Variants in BICD1 observed in about 807,000 individuals in gnomAD.
BICD1 encodes BICD cargo adaptor 1, also known as protein bicaudal D homolog 1.
BICD1 carries 35 observed loss-of-function variants against 92.5 expected under a neutral mutation model. That is an observed-to-expected ratio of 0.38 (90% CI 0.29 to 0.50). The LOEUF is 0.50. Among genes scored for constraint, BICD1 ranks in the 20% least tolerant of loss-of-function variants. The pLI is 0.93. For missense variants in BICD1, 950 were observed against 1,189.8 expected, an observed-to-expected ratio of 0.80 and a Z score of 2.97; for synonymous variants, 429 against 465.1, an observed-to-expected ratio of 0.92 and a Z score of 1.00.
intron 4 of BICD1, among the ~76,000 whole-genome samples, chr12:32,325,375 G>A (rs1271737518): frequency 6.6e-6 from 1 of 152,186 alleles, no homozygotes; most frequent in Non-Finnish European, 1.5e-5. Context: ...ATGATGTTAT[G>A]TAGTGATTTT....
Position 32,327,500 on chromosome 12 carries a change from G to A in BICD1, c.1045G>A (p.Glu349Lys). ...GGCCATTCTTTTGGCCAACCTACAG[G>A]AGTCACAGACACAGCTGGAACACAC... ...EKAILLANLQ[E>K]SQTQLEHTKG... Residue 349 changes from glutamate (E) to lysine (K), a missense_variant, in exon 5 of 10, where the codon GAG (glutamate) becomes AAG (lysine). By Grantham distance (56) the Glu-to-Lys change is moderately conservative (BLOSUM62 1). This residue lies in a region of BICD1 where 246 missense variants were observed against 258.4 expected (regional missense o/e 0.95). Transcript: ENST00000652176. 6.2e-7 allele frequency: 1 copy of A among 1,611,628 alleles called. No homozygotes were observed. Among genetic ancestry groups the A allele is most frequent in the African/African-American group, 1.3e-5 (1 of 74,932 alleles).
intron 2 of BICD1, among the ~76,000 whole-genome samples, chr12:32,232,166 G>C (rs1433535941): frequency 6.6e-6 from 1 of 150,742 alleles, no homozygotes; most frequent in African/African-American, 2.4e-5. Context: ...TCGCCACACT[G>C]ACTTCCACAA....
At chr12:32,265,547 G>T in intron 2 of BICD1, among the ~76,000 whole-genome samples, 1 of 125,750 alleles carries the variant, frequency 8.0e-6, no homozygotes, top group East Asian at 2.5e-4. Context: ...CGTTTCTACA[G>T]AAAAAAAAAA....
chr12:32,346,367 A>C (rs1171928717), intron 8 of BICD1, among the ~76,000 whole-genome samples: 1 of 148,936 alleles, frequency 6.7e-6, no homozygotes, highest in Non-Finnish European at 1.5e-5. Flanking sequence ...AACTACAAAA[A>C]TTAGCCAGGC....
At chr12:32,169,900 A>C (rs901488242) in intron 1 of BICD1, among the ~76,000 whole-genome samples, 1 of 152,206 alleles carries the variant, frequency 6.6e-6, no homozygotes, top group Non-Finnish European at 1.5e-5. Context: ...CTGGCCCCCA[A>C]GATACACTTT....
chr12:32,127,090 T>C (rs1247143528), intron 1 of BICD1, among the ~76,000 whole-genome samples: 1 of 152,240 alleles, frequency 6.6e-6, no homozygotes, highest in Non-Finnish European at 1.5e-5. Context: ...AAATATCTTT[T>C]CCTAGTCCAT....
chr12:32,231,693 CTCA>C (rs1470078836), intron 2 of BICD1, among the ~76,000 whole-genome samples: 1 of 151,394 alleles, frequency 6.6e-6, no homozygotes, highest in Non-Finnish European at 1.5e-5. Context: ...CACCCACTAA[CTCA>C]TCATCTAGCA....
intron 3 of BICD1, among the ~76,000 whole-genome samples, chr12:32,296,005 G>A (rs941994172): frequency 2.6e-5 from 4 of 151,942 alleles, no homozygotes. Context: ...GTGCTGGGGG[G>A]AAGGCATGTA....
rs117828159 is a variant in BICD1 at position 32,301,733 on chromosome 12, C to T, written c.580-3964C>T. On this transcript the variant is annotated intron_variant, in intron 3 of 9. Coordinates refer to ENST00000652176, the MANE Select transcript of BICD1 (RefSeq NM_001714.4). ...AAGGCTGTAGTGAGCTGTGATCAAG[C>T]CACTGTACTCTAGCCTGGGCAACAG... Among the ~76,000 whole-genome samples, 1,002 of 151,984 alleles carry T rather than the reference C, an allele frequency of 6.6e-3. 24 individuals carry two copies. The East Asian group carries it at 0.091, about 14-fold the overall frequency.
In BICD1 at chr12:32,328,519, C is replaced by T. The variant is rs139652205; in HGVS notation, c.2064C>T (p.Ile688=). The T allele has an allele frequency of 1.9e-6, 3 of 1,613,656 alleles. No individual in the cohort carries two copies. Among genetic ancestry groups the T allele is most frequent in the East Asian group, 4.5e-5 (2 of 44,884 alleles). The change falls in exon 5 of 10, where the codon ATC becomes ATT. Residue 688 remains isoleucine, a synonymous_variant. Transcript: ENST00000652176. The surrounding 1 kb of genome is among the most constrained non-coding windows in gnomAD (Gnocchi z 4.4). ...KSLLSTKREQ[I]ATLRAVLKAN... is the part of the protein sequence containing the mutation. ...TGCTGAGCACCAAACGGGAGCAGATCGCCACATTGAGGGCGGTGTTGAAAG... is the reference window on the plus strand; with the variant it reads ...TGCTGAGCACCAAACGGGAGCAGATTGCCACATTGAGGGCGGTGTTGAAAG...
At chr12:32,366,406 G>A (rs1939526190) in intron 8 of BICD1, among the ~76,000 whole-genome samples, 2 of 152,200 alleles carry the variant, frequency 1.3e-5, no homozygotes, top group South Asian at 4.1e-4. Context: ...GATCACCTGA[G>A]GTCAGGAGTT....
chr12:32,193,319 C>A (rs1944630046), intron 1 of BICD1, among the ~76,000 whole-genome samples: 1 of 152,184 alleles, frequency 6.6e-6, no homozygotes, highest in Non-Finnish European at 1.5e-5. Context: ...TGATCATTAT[C>A]ATTTTTTAGC....
chr12:32,254,105 C>T (rs1294449763), intron 2 of BICD1, among the ~76,000 whole-genome samples: 1 of 150,940 alleles, frequency 6.6e-6, no homozygotes, highest in Non-Finnish European at 1.5e-5. Flanking sequence ...GTCATATTCA[C>T]TGCCATATCC....
chr12:32,319,348 A>T (rs1025451341), intron 4 of BICD1, among the ~76,000 whole-genome samples: 1 of 152,152 alleles, frequency 6.6e-6, no homozygotes, highest in African/African-American at 2.4e-5. Flanking sequence ...TATTGAGATG[A>T]TCATGTGGTT....
At chr12:32,198,461 A>G (rs1286082275) in intron 1 of BICD1, among the ~76,000 whole-genome samples, 10 of 150,342 alleles carry the variant, frequency 6.7e-5, no homozygotes, top group African/African-American at 2.4e-4. Context: ...AAAAGCAGCC[A>G]TTGTACAGTT....
intron 1 of BICD1, among the ~76,000 whole-genome samples, chr12:32,142,650 A>G (rs904904901): frequency 6.6e-6 from 1 of 151,918 alleles, no homozygotes; most frequent in Admixed American, 6.6e-5. Flanking sequence ...GAGATCTCAC[A>G]CCATATTTGA....
intron 1 of BICD1, among the ~76,000 whole-genome samples, chr12:32,195,011 T>C (rs747129016): frequency 9.3e-5 from 14 of 150,320 alleles, no homozygotes; most frequent in Middle Eastern, 3.2e-3. Flanking sequence ...GGCAGAAGGA[T>C]TGCGTGATTC....
At chr12:32,263,510 C>T (rs1168650512) in intron 2 of BICD1, among the ~76,000 whole-genome samples, 3 of 150,036 alleles carry the variant, frequency 2.0e-5, no homozygotes, top group African/African-American at 7.4e-5. Flanking sequence ...CACGCCACTG[C>T]ACTCCAGCCT....
At chr12:32,221,455 G>A (rs541728204) in intron 2 of BICD1, among the ~76,000 whole-genome samples, 9 of 151,768 alleles carry the variant, frequency 5.9e-5, no homozygotes, top group Middle Eastern at 6.8e-3. Context: ...AGGCCGAGGC[G>A]GCTGGATCAC....
Sources: gnomAD v4.1 joint callset for allele counts (sites outside exome capture counted in the v4.1 genomes callset) on GRCh38, gnomAD v4.1.1 for gene constraint, gnomAD v4.1.1 regional missense constraint, Gnocchi (gnomAD v3.1) non-coding constraint, MANE v1.5 for transcripts, NCBI Gene and HGNC (gene_info 2026-07-23, HGNC 2026-07-21) for gene names.